Variants in KBTBD11 observed in about 807,000 individuals in gnomAD.
The protein encoded by KBTBD11 is kelch repeat and BTB domain-containing protein 11.
For missense variants in KBTBD11, 1,390 were observed against 1,001.8 expected (o/e 1.39, Z -5.23); for synonymous variants, 747 against 499.0 (o/e 1.50, Z -6.63).
intron 1 of KBTBD11, among the ~76,000 whole-genome samples, chr8:1,977,646 C>T (rs1816393873): frequency 6.6e-6 from 1 of 152,086 alleles, no homozygotes. Context: ...GTCTCAGTCT[C>T]TCGAGTAGCT....
intron 1 of KBTBD11, among the ~76,000 whole-genome samples, chr8:1,999,864 C>T (rs1817275664): frequency 6.6e-6 from 1 of 152,180 alleles, no homozygotes; most frequent in African/African-American, 2.4e-5. Context: ...TTAATAAAAT[C>T]ACACAATCCA....
rs988919741 is a variant in KBTBD11 at position 1,973,732 on chromosome 8, T to A, written c.-1112T>A. The A allele has an allele frequency of 2.7e-5, 27 of 983,516 alleles. No homozygotes were observed. The highest frequency in any genetic ancestry group is 3.3e-5 in the Non-Finnish European group (27 of 829,286). 60.9% of individuals were successfully genotyped at this position (983,516 alleles called of 1,614,324 possible). On this transcript the variant is annotated 5_prime_UTR_variant, in exon 1 of 2. Transcript: ENST00000320248. ...GCCGGAGCGCTGGCTCCGCGCGGCC[T>A]GGAGAGGCGGAGAGGCCTGTCCACC...
intron 1 of KBTBD11, among the ~76,000 whole-genome samples, chr8:1,979,160 C>T (rs919285741): frequency 6.6e-6 from 1 of 152,222 alleles, no homozygotes; most frequent in Non-Finnish European, 1.5e-5. Context: ...AGTCTGAGAT[C>T]TGCAGGGCAG....
At chr8:1,989,538 A>T (rs112630637) in intron 1 of KBTBD11, among the ~76,000 whole-genome samples, 13,338 of 152,252 alleles carry the variant, frequency 0.088, 731 homozygotes, top group Non-Finnish European at 0.13. Flanking sequence ...GGAATGATGG[A>T]GTCACTAAGC....
At chr8:1,986,397 C>T (rs1414830491) in intron 1 of KBTBD11, among the ~76,000 whole-genome samples, 1 of 152,104 alleles carries the variant, frequency 6.6e-6, no homozygotes, top group African/African-American at 2.4e-5. Context: ...CAGTTTATAC[C>T]AACGATGCAA....
intron 1 of KBTBD11, among the ~76,000 whole-genome samples, chr8:1,989,919 G>C (rs533318823): frequency 9.6e-5 from 13 of 134,734 alleles, no homozygotes; most frequent in African/African-American, 3.6e-4. Flanking sequence ...CGATGTCTCA[G>C]GTGGTTTTTT....
chr8:1,974,792 A>G (rs1816271434), intron 1 of KBTBD11: 3 of 706,072 alleles, frequency 4.2e-6, no homozygotes, highest in Non-Finnish European at 5.2e-6. Flanking sequence ...AGAGTCCTAC[A>G]AAACCACGTT....
rs142465617 is a variant in KBTBD11, at chr8:2,005,370, C to G, written c.*2306C>G. 3,023 of 167,204 alleles carry G rather than the reference C, an allele frequency of 0.018. 44 individuals carry two copies. Among genetic ancestry groups the G allele is most frequent in the African/African-American group, 0.027 (1,102 of 41,574 alleles). The allele number at this position is 167,204 out of a possible 1,614,324, so 10.4% of individuals were successfully genotyped here. The stretch of plus-strand genomic sequence containing the variant: ...ACACCACAGTTCTGAATAGTGATAT[C>G]ACATAAAAATACATACTAGAGGACC... On this transcript the variant is annotated 3_prime_UTR_variant, in exon 2 of 2. Transcript: ENST00000320248.
At chr8:1,992,950 A>C (rs1477741566) in intron 1 of KBTBD11, among the ~76,000 whole-genome samples, 1 of 151,176 alleles carries the variant, frequency 6.6e-6, no homozygotes, top group South Asian at 2.1e-4. Context: ...TATTGTTATT[A>C]TTTTTGAGAC....
chr8:1,979,459 G>A (rs1311742682), intron 1 of KBTBD11, among the ~76,000 whole-genome samples: 8 of 152,078 alleles, frequency 5.3e-5, no homozygotes, highest in Admixed American at 2.0e-4. Context: ...GTGAAACCCC[G>A]TCTCTACTAA....
In KBTBD11 at chr8:2,002,740, G is replaced by A. The variant is rs745483910; in HGVS notation, c.1548G>A (p.Ala516=). Residue 516 remains alanine (A), a synonymous_variant, in exon 2 of 2, where the codon GCG becomes GCA. Transcript: ENST00000320248. This position sits in a 1 kb window ranked among gnomAD's most constrained non-coding sequence, Gnocchi z 4.1. ...GCGGCAGCCGCGGCGAGGCGCAGGC[G>A]GCGGGGCCGAGCGGGGTCAGCGTGT... ...DLSGSRGEAQ[A]AGPSGVSVSR... The A allele has an allele frequency of 5.3e-6, 8 of 1,500,338 alleles. No individual in the cohort carries two copies. In the Admixed American group the frequency reaches 1.1e-4, roughly 20 times the overall value. The allele number at this position is 1,500,338 out of a possible 1,614,324, so 92.9% of individuals were successfully genotyped here.
Position 2,002,527 on chromosome 8 carries a change from C to G in KBTBD11, c.1335C>G (p.Ala445=). The change falls in exon 2 of 2, where the codon GCC becomes GCG. Residue 445 remains alanine (A), a synonymous_variant. Coordinates refer to ENST00000320248, the MANE Select transcript of KBTBD11 (RefSeq NM_014867.3). This position sits in a 1 kb window ranked among gnomAD's most constrained non-coding sequence, Gnocchi z 4.1. Reference sequence around the variant, plus strand: ...CCGTGGCGCCGCTGCCCCGGGGCGCCTTCGCCGTGGCGCATGAGGCCACCA... The same window carrying G: ...CCGTGGCGCCGCTGCCCCGGGGCGCGTTCGCCGTGGCGCATGAGGCCACCA... The part of the protein sequence containing the change: ...WAPVAPLPRG[A]FAVAHEATTC... The G allele has an allele frequency of 1.3e-6, 2 of 1,540,900 alleles. No homozygotes were observed. The highest frequency in any genetic ancestry group is 1.2e-5 in the South Asian group (1 of 84,514).
At chr8:1,976,860 G>C (rs1289124581) in intron 1 of KBTBD11, among the ~76,000 whole-genome samples, 1 of 152,198 alleles carries the variant, frequency 6.6e-6, no homozygotes, top group Non-Finnish European at 1.5e-5. Context: ...TGTGTGCAAA[G>C]GCCCTGTGGT....
intron 1 of KBTBD11, chr8:1,974,308 G>T: frequency 1.0e-6 from 1 of 984,378 alleles, no homozygotes; most frequent in Non-Finnish European, 1.2e-6. Context: ...AAGACAATGA[G>T]CCGCCCGCGC....
At chr8:1,982,893 T>C (rs972098002) in intron 1 of KBTBD11, among the ~76,000 whole-genome samples, 2 of 152,114 alleles carry the variant, frequency 1.3e-5, no homozygotes, top group African/African-American at 2.4e-5. Flanking sequence ...GCCCAACTAA[T>C]TTTTGTACTT....
chr8:1,974,324 C>A (rs922090627), intron 1 of KBTBD11: 4 of 984,606 alleles, frequency 4.1e-6, no homozygotes, highest in Non-Finnish European at 4.8e-6. Context: ...CGCGCCGCGC[C>A]CGCAGTCACC....
intron 1 of KBTBD11, among the ~76,000 whole-genome samples, chr8:1,988,775 T>C (rs1338327944): frequency 1.3e-5 from 2 of 152,110 alleles, no homozygotes; most frequent in Non-Finnish European, 1.5e-5. Flanking sequence ...CTTGCTACCA[T>C]TTTAGTAGCT....
rs763557260 is a variant in KBTBD11 at position 2,002,605 on chromosome 8, C to T, written c.1413C>T (p.Leu471=). 6.9e-6 allele frequency: 11 copies of T among 1,585,092 alleles called. No homozygotes were observed. The South Asian group carries it at 7.9e-5, about 11-fold the overall frequency. Residue 471 remains leucine (L), a synonymous_variant, in exon 2 of 2, where the codon CTC becomes CTT. Transcript: ENST00000320248. The surrounding 1 kb of genome is among the most constrained non-coding windows in gnomAD (Gnocchi z 4.1). The stretch of plus-strand genomic sequence containing the variant: ...GGGGCTCCCTCTTCTATCGCCTGCT[C>T]AAGTATGACCCGCGGCGCGACGAGT... ...VSGGSLFYRL[L]KYDPRRDEWQ...
chr8:1,991,592 C>T (rs561217032), intron 1 of KBTBD11, among the ~76,000 whole-genome samples: 5 of 152,256 alleles, frequency 3.3e-5, no homozygotes, highest in Admixed American at 1.3e-4. Flanking sequence ...CCCAGAGGCC[C>T]GTGCATCGCC....
Sources: gnomAD v4.1 joint callset for allele counts (sites outside exome capture counted in the v4.1 genomes callset) on GRCh38, gnomAD v4.1.1 for gene constraint, Gnocchi (gnomAD v3.1) non-coding constraint, MANE v1.5 for transcripts, NCBI Gene and HGNC (gene_info 2026-07-23, HGNC 2026-07-21) for gene names.